Variants in CTPS2 observed in about 807,000 individuals in gnomAD.
CTPS2 encodes CTP synthase II.
Under a neutral mutation model 46.8 loss-of-function variants are expected in CTPS2, and 19 were observed. The observed-to-expected ratio is 0.41, with a 90% CI of 0.28 to 0.60. The LOEUF (loss-of-function observed/expected upper bound fraction) is 0.60, where lower values mean the gene tolerates loss of function less well. Among genes scored for constraint, CTPS2 ranks in the 20% least tolerant of loss-of-function variants. The probability of loss-of-function intolerance (pLI) is 0.35; values close to 1 mark genes in which losing one functional copy is unlikely to be tolerated. For synonymous variants in CTPS2, 151 were observed against 165.2 expected (o/e 0.91, Z 0.66); for missense variants, 286 against 447.6 (o/e 0.64, Z 3.26).
At chrX:16,647,255 C>CTTTTTTTTTTTTTTTTT (rs746634342) in intron 13 of CTPS2, among the ~76,000 whole-genome samples, 1 of 39,767 alleles carries the variant, frequency 2.5e-5, no homozygotes, top group African/African-American at 1.0e-4. Flanking sequence ...TGGGCCCATT[C>CTTTTTTTTTTTTTTTTT]TTTTTTTTTT....
At chrX:16,709,513 G>C (rs1278080063) in intron 1 of CTPS2, among the ~76,000 whole-genome samples, 3 of 110,011 alleles carry the variant, frequency 2.7e-5, no homozygotes, top group Non-Finnish European at 5.7e-5. Flanking sequence ...TATTGACTAT[G>C]TTTTTTTAAA....
intron 17 of CTPS2, among the ~76,000 whole-genome samples, chrX:16,605,939 A>G (rs1451141621): frequency 8.9e-6 from 1 of 112,444 alleles, no homozygotes; most frequent in African/African-American, 3.2e-5. Context: ...AAACCAGGTG[A>G]AATTGGTCTT....
intron 14 of CTPS2, among the ~76,000 whole-genome samples, chrX:16,629,219 T>G (rs758457411): frequency 3.6e-5 from 4 of 112,509 alleles, no homozygotes; most frequent in Admixed American, 2.8e-4. Flanking sequence ...ATGCCATCTG[T>G]TGTTAGGATG....
chrX:16,703,185 C>T (rs1319925756), intron 1 of CTPS2, among the ~76,000 whole-genome samples: 1 of 109,553 alleles, frequency 9.1e-6, no homozygotes, highest in Non-Finnish European at 1.9e-5. Context: ...CCACCACGCC[C>T]TGCTAATTTT....
At chrX:16,598,284 G>A (rs1929409260) in intron 17 of CTPS2, among the ~76,000 whole-genome samples, 1 of 110,827 alleles carries the variant, frequency 9.0e-6, no homozygotes, top group South Asian at 3.8e-4. Flanking sequence ...TTTTTTGAAA[G>A]GATCAACAAA....
At chrX:16,603,341 G>A (rs1039625223) in intron 17 of CTPS2, among the ~76,000 whole-genome samples, 18 of 109,271 alleles carry the variant, frequency 1.6e-4, no homozygotes, top group African/African-American at 5.3e-4. Flanking sequence ...GCTTGAACCC[G>A]GGAGGCAGAG....
intron 13 of CTPS2, among the ~76,000 whole-genome samples, chrX:16,656,436 G>A (rs1251104118): frequency 5.7e-5 from 6 of 105,260 alleles, no homozygotes; most frequent in Non-Finnish European, 9.7e-5. Flanking sequence ...TTGAGACGAA[G>A]TCTCGCTCTG....
At chrX:16,683,795 A>C (rs1257760891) in intron 8 of CTPS2, among the ~76,000 whole-genome samples, 2 of 112,488 alleles carry the variant, frequency 1.8e-5, no homozygotes, top group African/African-American at 6.5e-5. Context: ...TGTCAGTAGG[A>C]AACATTCCAA....
At chrX:16,675,291 A>G (rs899111722) in intron 10 of CTPS2, among the ~76,000 whole-genome samples, 5 of 109,591 alleles carry the variant, frequency 4.6e-5, no homozygotes, top group Non-Finnish European at 9.5e-5. Context: ...AAAAACTTGT[A>G]AAGGATTATA....
intron 13 of CTPS2, among the ~76,000 whole-genome samples, chrX:16,645,992 G>A (rs1932300320): frequency 1.8e-5 from 2 of 112,510 alleles, no homozygotes; most frequent in Non-Finnish European, 3.8e-5. Flanking sequence ...GAACTGTGAG[G>A]AAATAAATTT....
At chrX:16,614,198 C>T (rs111645182) in intron 16 of CTPS2, among the ~76,000 whole-genome samples, 1,239 of 111,979 alleles carry the variant, frequency 0.011, 21 homozygotes, top group African/African-American at 0.038. Flanking sequence ...CTGCATGCAG[C>T]CCACGGACTG....
intron 13 of CTPS2, among the ~76,000 whole-genome samples, chrX:16,660,064 G>A (rs1017561105): frequency 4.5e-5 from 5 of 111,866 alleles, no homozygotes; most frequent in Non-Finnish European, 9.4e-5. Context: ...ATATCTTTTG[G>A]ATATATACCC....
At chrX:16,658,341 C>T (rs1405316423) in intron 13 of CTPS2, among the ~76,000 whole-genome samples, 1 of 111,346 alleles carries the variant, frequency 9.0e-6, no homozygotes, top group Non-Finnish European at 1.9e-5. Flanking sequence ...TATTAAAACT[C>T]TTAAACATTT....
rs764133096 is a variant in CTPS2 at position 16,630,298 on chromosome X, A to T, written c.1393+8849T>A. 3.2e-5 allele frequency among the ~76,000 whole-genome samples: 3 copies of T among 94,444 alleles called. No homozygotes were observed. In the Admixed American group the frequency reaches 3.8e-4, roughly 12 times the overall value. 82.0% of individuals were successfully genotyped at this position (94,444 alleles called of 115,157 possible). On this transcript the variant is annotated intron_variant, in intron 14 of 18. Transcript: ENST00000359276. Reference sequence around the variant, plus strand: ...GACACAGAGTCTTGCTCTGTTGCCCAGGTTGGAGTGCAGTGGTGTGATCTC... The same window carrying T: ...GACACAGAGTCTTGCTCTGTTGCCCTGGTTGGAGTGCAGTGGTGTGATCTC...
intron 14 of CTPS2, among the ~76,000 whole-genome samples, chrX:16,628,846 C>G (rs1014478285): frequency 7.1e-5 from 8 of 111,929 alleles, no homozygotes; most frequent in African/African-American, 2.6e-4. Context: ...GGACCTCATT[C>G]TTAATGCCAG....
intron 13 of CTPS2, among the ~76,000 whole-genome samples, chrX:16,650,534 T>G (rs898042800): frequency 1.0e-5 from 1 of 97,373 alleles, no homozygotes; most frequent in African/African-American, 4.1e-5. Flanking sequence ...TTTTTTTTTT[T>G]GCAGCGGAGG....
chrX:16,625,267 T>A (rs1034193827), intron 14 of CTPS2, among the ~76,000 whole-genome samples: 8 of 112,550 alleles, frequency 7.1e-5, no homozygotes, highest in African/African-American at 2.6e-4. Context: ...GGACAATATG[T>A]TAAGTGAAAT....
intron 1 of CTPS2, among the ~76,000 whole-genome samples, chrX:16,708,973 G>C (rs1017754084): frequency 1.8e-5 from 2 of 110,493 alleles, no homozygotes; most frequent in Admixed American, 9.7e-5. Flanking sequence ...GCCAGGCGTG[G>C]TGGCAGGCGC....
intron 13 of CTPS2, among the ~76,000 whole-genome samples, chrX:16,663,985 G>A (rs761304654): frequency 3.3e-4 from 37 of 110,711 alleles, no homozygotes; most frequent in Admixed American, 4.8e-4. Flanking sequence ...ACAGGCGCGT[G>A]CCACCACGCC....
Sources: allele counts gnomAD v4.1 joint callset (sites outside exome capture counted in the v4.1 genomes callset), GRCh38; gene constraint gnomAD v4.1.1; transcripts MANE v1.5; gene names NCBI Gene and HGNC (gene_info 2026-07-23, HGNC 2026-07-21).